SLC15A1: variants seen among roughly 807,000 people sequenced by gnomAD.
SLC15A1 encodes the protein Caco-2 oligopeptide transporter.
SLC15A1 carries 83 observed loss-of-function variants against 92.9 expected under a neutral mutation model. The ratio of observed to expected loss-of-function variants is 0.89; its 90% CI spans 0.75 to 1.07. The LOEUF (loss-of-function observed/expected upper bound fraction) is 1.07. SLC15A1 is among the 50% of genes least tolerant of loss of function. The probability of loss-of-function intolerance (pLI) is 0.00; values close to 1 mark genes in which losing one functional copy is unlikely to be tolerated. For missense variants in SLC15A1, 857 were observed against 880.1 expected, an observed-to-expected ratio of 0.97 and a Z score of 0.33; for synonymous variants, 322 against 318.2, an observed-to-expected ratio of 1.01 and a Z score of -0.13.
rs149183990 is a variant in SLC15A1 at position 98,688,304 on chromosome 13, A to C, written c.1627T>G (p.Phe543Val). The C allele has an allele frequency of 2.5e-6, 4 of 1,613,982 alleles. No homozygotes were observed. The African/African-American group carries it at 5.3e-5, about 22-fold the overall frequency. Residue 543 changes from phenylalanine to valine, a missense_variant, in exon 20 of 23, where the codon TTC becomes GTC. Physicochemically the swap from Phe to Val is conservative, Grantham distance 50 (BLOSUM62 -1). Coordinates refer to ENST00000376503, the MANE Select transcript of SLC15A1 (RefSeq NM_005073.4). The part of the protein sequence containing the change: ...TEIPPQCQPN[F>V]NTFYLEFGSA... ...CCAAATTCAAGGTAGAAAGTATTGA[A>C]ATTAGGTTGACATTGTGGCGGAATC...
rs765075812 is a variant in SLC15A1 at position 98,726,312 on chromosome 13, T to A, written c.104-48A>T. ...GAGGAGGGGGAAACAAAGTTAGGAC[T>A]GGTTATGGCCACTCCCGCTCTTCCC... On this transcript the variant is annotated intron_variant, in intron 3 of 22. Transcript: ENST00000376503. The A allele has an allele frequency of 3.0e-5, 49 of 1,613,762 alleles. No homozygotes were observed. In the Admixed American group the frequency reaches 8.0e-4, roughly 26 times the overall value.
chr13:98,751,677 C>T (rs2088547593), intron 1 of SLC15A1, among the ~76,000 whole-genome samples: 1 of 152,200 alleles, frequency 6.6e-6, no homozygotes, highest in Admixed American at 6.5e-5. Context: ...ATGCTGTGTC[C>T]GGCAGGCATT....
rs758434120 is a variant in SLC15A1, at chr13:98,715,934, A to G, written c.667T>C (p.Tyr223His). ...LIVFVLGSGM[Y>H]KKFKPQGNIM... ...TTGCCCTGTGGCTTGAACTTCTTGT[A>G]CATCCCACTGCCAAGGACAAACACA... Residue 223 changes from tyrosine (Y) to histidine (H), a missense_variant, in exon 9 of 23, where the codon TAC becomes CAC. By Grantham distance (83) the Tyr-to-His change is moderately conservative. Coordinates refer to ENST00000376503, the MANE Select transcript of SLC15A1 (RefSeq NM_005073.4). The G allele has an allele frequency of 6.2e-7, 1 of 1,614,134 alleles. No homozygotes were observed. The highest frequency in any genetic ancestry group is 1.7e-5 in the Admixed American group (1 of 60,018).
chr13:98,686,011 A>G (rs1180903511), intron 22 of SLC15A1, among the ~76,000 whole-genome samples, 179 bp downstream of exon 22: 1 of 152,014 alleles, frequency 6.6e-6, no homozygotes, highest in Non-Finnish European at 1.5e-5. Flanking sequence ...AAGAAGAAGA[A>G]GAAACAGCAG....
At chr13:98,696,962 C>T (rs1312900405) in intron 18 of SLC15A1, among the ~76,000 whole-genome samples, 1 of 152,174 alleles carries the variant, frequency 6.6e-6, no homozygotes, top group African/African-American at 2.4e-5. Context: ...GTGGCATTTA[C>T]AAGCCGAGGA....
At chr13:98,707,499 GA>G (rs777239030) in intron 15 of SLC15A1, among the ~76,000 whole-genome samples, 7 of 152,138 alleles carry the variant, frequency 4.6e-5, no homozygotes, top group Non-Finnish European at 8.8e-5. Context: ...AGGGAAAGGG[GA>G]AATGGGAGTT....
chr13:98,684,984 G>T, intron 22 of SLC15A1, 69 bp from the exon 23 acceptor site: 1 of 1,341,582 alleles, frequency 7.5e-7, no homozygotes, highest in African/African-American at 1.5e-5. Flanking sequence ...ATGAATATAT[G>T]GTGCGTACAT....
intron 1 of SLC15A1, among the ~76,000 whole-genome samples, chr13:98,743,808 G>C (rs2088469699): frequency 6.6e-6 from 1 of 152,016 alleles, no homozygotes; most frequent in African/African-American, 2.4e-5. Context: ...AGACTGCCGA[G>C]GGTAAATAAA....
chr13:98,702,390 T>A, intron 18 of SLC15A1, 90 bp downstream of exon 18: 1 of 915,950 alleles, frequency 1.1e-6, no homozygotes. Flanking sequence ...AATCTCATTT[T>A]ATATCCTTGT....
At chr13:98,690,777 C>G (rs546570080) in intron 18 of SLC15A1, among the ~76,000 whole-genome samples, 1 of 152,268 alleles carries the variant, frequency 6.6e-6, no homozygotes, top group Admixed American at 6.5e-5. Context: ...TCCGAGGCTA[C>G]AAACCTGTGC....
intron 5 of SLC15A1, among the ~76,000 whole-genome samples, 182 bp from the exon 6 acceptor site, chr13:98,722,085 C>T (rs560449858): frequency 2.6e-5 from 4 of 152,168 alleles, no homozygotes; most frequent in Non-Finnish European, 5.9e-5. Flanking sequence ...AACTCATGGG[C>T]CTTCAAACTC....
At chr13:98,726,919 T>C in intron 1 of SLC15A1, 60 bp from the exon 2 acceptor site, 1 of 1,563,836 alleles carries the variant, frequency 6.4e-7, no homozygotes, top group Non-Finnish European at 8.8e-7. Context: ...TTTTGCTGTG[T>C]CTAAACTCAG....
chr13:98,729,652 T>A, intron 1 of SLC15A1, among the ~76,000 whole-genome samples: 1 of 152,182 alleles, frequency 6.6e-6, no homozygotes, highest in East Asian at 1.9e-4. Context: ...ATCTCCCACA[T>A]CGTTTCCCTC....
At chr13:98,750,297 G>T (rs985367804) in intron 1 of SLC15A1, among the ~76,000 whole-genome samples, 1 of 152,072 alleles carries the variant, frequency 6.6e-6, no homozygotes, top group African/African-American at 2.4e-5. Context: ...ATTTTTAGTA[G>T]AGACGGGGTT....
intron 22 of SLC15A1, among the ~76,000 whole-genome samples, chr13:98,685,984 CAAAA>C (rs869045159): frequency 9.7e-6 from 1 of 103,258 alleles, no homozygotes. Flanking sequence ...GACTCCGTCT[CAAAA>C]AAAAAAAAAA....
intron 18 of SLC15A1, among the ~76,000 whole-genome samples, chr13:98,690,527 A>G (rs2139562244): frequency 6.6e-6 from 1 of 152,354 alleles, no homozygotes; most frequent in African/African-American, 2.4e-5. Flanking sequence ...CTTATCAGCC[A>G]TCAGACTCTG....
rs561052042 is a variant in SLC15A1, at chr13:98,725,471, G to A, written c.245+652C>T. On this transcript the variant is annotated intron_variant, in intron 4 of 22. Coordinates refer to ENST00000376503, the MANE Select transcript of SLC15A1 (RefSeq NM_005073.4). ...CTCAAGCAGCGTGAGCCCCTCAGCA[G>A]CCAAGGGGGTATTTTAGAGAGTTTC... Among the ~76,000 whole-genome samples the A allele has an allele frequency of 1.6e-4, 24 of 152,284 alleles. No individual in the cohort carries two copies. The South Asian group carries it at 5.0e-3, about 32-fold the overall frequency.
intron 18 of SLC15A1, among the ~76,000 whole-genome samples, chr13:98,696,328 T>C (rs2088021100): frequency 1.3e-5 from 1 of 76,438 alleles, no homozygotes. Flanking sequence ...GCAGGATAAT[T>C]GCTTGAACCC....
Position 98,684,868 on chromosome 13 carries a change from T to C in SLC15A1, c.1983A>G (p.Val661=). ...AGAACCGAGCCATGATGGCAAAAAT[T>C]ACACAGACGACCAGAAGCAACGCGG... ...LFAALLLVVC[V]IFAIMARFYT... The change falls in exon 23 of 23, where the codon GTA becomes GTG. Residue 661 remains valine, a synonymous_variant. Transcript: ENST00000376503. 3.7e-6 allele frequency: 6 copies of C among 1,614,070 alleles called. No individual in the cohort carries two copies. Among genetic ancestry groups the C allele is most frequent in the Non-Finnish European group, 5.1e-6 (6 of 1,180,008 alleles).
Sources: allele counts gnomAD v4.1 joint callset (sites outside exome capture counted in the v4.1 genomes callset), GRCh38; gene constraint gnomAD v4.1.1; transcripts MANE v1.5; gene names NCBI Gene and HGNC (gene_info 2026-07-23, HGNC 2026-07-21).